DNAH14: variants seen among roughly 807,000 people sequenced by gnomAD.
The protein encoded by DNAH14 is dynein axonemal heavy chain 14.
A neutral mutation model predicts 520.9 loss-of-function variants in DNAH14; 478 were observed. The observed-to-expected ratio is 0.92, with a 90% CI of 0.85 to 0.99. DNAH14 has a LOEUF of 0.99. Ranked by LOEUF, DNAH14 falls within the 50% of genes least tolerant of loss-of-function variation. The pLI is 0.00. For synonymous variants in DNAH14, 1,581 were observed against 1,757.2 expected (o/e 0.90, Z 2.51); for missense variants, 4,831 against 5,234.5 (o/e 0.92, Z 2.38).
intron 49 of DNAH14, among the ~76,000 whole-genome samples, chr1:225,268,390 C>T (rs1274622434): frequency 6.6e-6 from 1 of 152,186 alleles, no homozygotes; most frequent in African/African-American, 2.4e-5. Flanking sequence ...TGGGCAAAAA[C>T]TGGAAGCATT....
At chr1:224,945,257 G>A (rs1185593276) in intron 1 of DNAH14, among the ~76,000 whole-genome samples, 4 of 151,546 alleles carry the variant, frequency 2.6e-5, no homozygotes, top group East Asian at 1.9e-4. Flanking sequence ...CTTCCATCAC[G>A]GATACTCTTC....
intron 54 of DNAH14, among the ~76,000 whole-genome samples, chr1:225,280,680 G>C (rs1037376403): frequency 2.6e-5 from 4 of 151,788 alleles, no homozygotes; most frequent in African/African-American, 9.7e-5. Flanking sequence ...GATTAAAGTA[G>C]ATTAACACCT....
intron 41 of DNAH14, among the ~76,000 whole-genome samples, chr1:225,218,652 G>C (rs1426127250): frequency 6.6e-6 from 1 of 152,130 alleles, no homozygotes; most frequent in Non-Finnish European, 1.5e-5. Context: ...GAGAATACAA[G>C]ATTCATAAAG....
At chr1:225,153,115 C>T (rs9659564) in intron 33 of DNAH14, among the ~76,000 whole-genome samples, 5,329 of 152,174 alleles carry the variant, frequency 0.035, 294 homozygotes, top group African/African-American at 0.12. Flanking sequence ...CCTCCAAGAT[C>T]TGGAAAGAGT....
intron 43 of DNAH14, among the ~76,000 whole-genome samples, chr1:225,247,973 C>T (rs1046497204): frequency 1.4e-4 from 21 of 152,156 alleles, no homozygotes; most frequent in East Asian, 7.7e-4. Context: ...GAGCCGAGAT[C>T]GCGCCACTGC....
At chr1:225,342,206 T>C (rs1402851055) in intron 69 of DNAH14, among the ~76,000 whole-genome samples, 2 of 152,070 alleles carry the variant, frequency 1.3e-5, no homozygotes, top group African/African-American at 4.8e-5. Context: ...ATTTTACCAA[T>C]AGTAATAATA....
intron 17 of DNAH14, among the ~76,000 whole-genome samples, chr1:225,056,175 C>G (rs2069067665): frequency 6.6e-6 from 1 of 152,060 alleles, no homozygotes; most frequent in Admixed American, 6.6e-5. Flanking sequence ...GCTCCTATTT[C>G]TCCACATCCT....
In DNAH14 at chr1:225,392,548, T is replaced by TA. The variant is rs903239663; in HGVS notation, c.13491+98dup. 95 of 1,433,836 alleles carry TA rather than the reference T, an allele frequency of 6.6e-5. No individual in the cohort carries two copies. The Middle Eastern group carries it at 7.3e-4, about 11-fold the overall frequency. 88.8% of individuals were successfully genotyped at this position (1,433,836 alleles called of 1,614,324 possible). On this transcript the variant is annotated intron_variant, in intron 84 of 85. Transcript: ENST00000682510. ...CCTTTACAAACCTTTACTCAGCACT[T>TA]ACCACATGCCAGGCACTAGACAGGC...
chr1:225,185,530 C>A, intron 37 of DNAH14, 105 bp downstream of exon 37: 1 of 1,204,866 alleles, frequency 8.3e-7, no homozygotes, highest in Non-Finnish European at 1.1e-6. Context: ...ACTTATTAAA[C>A]TTATTGCTAG....
chr1:225,165,874 C>T (rs1276553812), intron 35 of DNAH14, among the ~76,000 whole-genome samples: 5 of 151,986 alleles, frequency 3.3e-5, no homozygotes, highest in East Asian at 3.8e-4. Flanking sequence ...AGTGAGACAC[C>T]GCGCATGGCC....
rs1018254161 is a variant in DNAH14, at chr1:225,247,368, A to G, written c.6749-4933A>G. Among the ~76,000 whole-genome samples, 10 of 152,178 alleles carry G rather than the reference A, an allele frequency of 6.6e-5. No homozygotes were observed. The South Asian group carries it at 8.3e-4, about 13-fold the overall frequency. On this transcript the variant is annotated intron_variant, in intron 43 of 85. Transcript: ENST00000682510. ...TGTAACAAACCTGCACATTCTGCAC[A>G]TGTATTCCAGAACTTAAAGAATAAT...
intron 11 of DNAH14, among the ~76,000 whole-genome samples, chr1:225,031,457 A>G (rs2066516338): frequency 6.7e-6 from 1 of 150,190 alleles, no homozygotes; most frequent in African/African-American, 2.4e-5. Flanking sequence ...ACCACCACAT[A>G]TGGTCCACAA....
At chr1:225,038,626 G>C in intron 11 of DNAH14, 68 bp from the exon 12 acceptor site, 1 of 1,423,160 alleles carries the variant, frequency 7.0e-7, no homozygotes, top group South Asian at 1.4e-5. Flanking sequence ...TTGAGTTGTA[G>C]GTGTTCTTTA....
At chr1:225,058,864 G>A (rs2069553923) in intron 17 of DNAH14, among the ~76,000 whole-genome samples, 1 of 152,130 alleles carries the variant, frequency 6.6e-6, no homozygotes, top group Admixed American at 6.5e-5. Flanking sequence ...TTAATCCTGA[G>A]TTCTAGTTTG....
At chr1:224,981,143 A>T (rs542708736) in intron 8 of DNAH14, among the ~76,000 whole-genome samples, 70 of 152,282 alleles carry the variant, frequency 4.6e-4, no homozygotes, top group African/African-American at 1.6e-3. Flanking sequence ...AACCCACTTG[A>T]TCATGGTGGA....
At chr1:225,260,868 T>C (rs950479341) in intron 46 of DNAH14, among the ~76,000 whole-genome samples, 11 of 152,246 alleles carry the variant, frequency 7.2e-5, no homozygotes, top group Admixed American at 3.9e-4. Flanking sequence ...TCTTGTTATA[T>C]TTACCCTTAA....
rs547697388 is a variant in DNAH14, at chr1:225,069,044, T to C, written c.2425-10163T>C. 1.6e-5 allele frequency among the ~76,000 whole-genome samples: 2 copies of C among 124,752 alleles called. 1 individual carries two copies. The highest frequency in any genetic ancestry group is 4.6e-4 in the East Asian group (2 of 4,332). The allele number at this position is 124,752 out of a possible 152,430, so 81.8% of individuals were successfully genotyped here. On this transcript the variant is annotated intron_variant, in intron 17 of 85. Transcript: ENST00000682510. Reference sequence around the variant, plus strand: ...TTGCAGTGAGCCGAGATCCCGCCACTGCACTCCAGCCTGGGCGACAGAGCG... The same window carrying C: ...TTGCAGTGAGCCGAGATCCCGCCACCGCACTCCAGCCTGGGCGACAGAGCG...
chr1:225,181,684 A>G lies in DNAH14; in HGVS notation c.5536-3607A>G, dbSNP rs183059520. On this transcript the variant is annotated intron_variant, in intron 36 of 85. Transcript: ENST00000682510. ...TTTTAATGGAGTTGTTTATTTATTT[A>G]TTTGTTTGTTTGCTTGTTGAATTCT... is the stretch of plus-strand genomic sequence containing the variant. Among the ~76,000 whole-genome samples the G allele has an allele frequency of 6.7e-3, 1,019 of 151,704 alleles. 7 individuals are homozygous for G. The highest frequency in any genetic ancestry group is 0.02 in the Middle Eastern group (6 of 294).
intron 56 of DNAH14, among the ~76,000 whole-genome samples, chr1:225,302,200 A>T (rs1345835286): frequency 1.3e-5 from 2 of 150,476 alleles, no homozygotes; most frequent in Admixed American, 1.3e-4. Flanking sequence ...ATAATAACAA[A>T]TAATAAAGGC....
Sources: allele counts gnomAD v4.1 joint callset (sites outside exome capture counted in the v4.1 genomes callset), GRCh38; gene constraint gnomAD v4.1.1; transcripts MANE v1.5; gene names NCBI Gene and HGNC (gene_info 2026-07-23, HGNC 2026-07-21).